Variants in MTMR8 observed in about 807,000 individuals in gnomAD.
MTMR8 encodes the protein myotubularin related protein 8.
MTMR8 carries 65 observed loss-of-function variants against 39.3 expected under a neutral mutation model. The ratio of observed to expected loss-of-function variants is 1.65; its 90% CI spans 1.35 to 2.03. The LOEUF is 2.03. Among genes scored for constraint, MTMR8 ranks in the 30% most tolerant of loss-of-function variants. MTMR8 has a pLI of 0.00. For missense variants in MTMR8, 777 were observed against 538.9 expected (o/e 1.44, Z -4.37); for synonymous variants, 245 against 185.2 (o/e 1.32, Z -2.62).
At chrX:64,356,079 T>C in intron 3 of MTMR8, 97 bp downstream of exon 3, 1 of 906,486 alleles carries the variant, frequency 1.1e-6, no homozygotes, top group Non-Finnish European at 1.5e-6. Context: ...ACAGCCCAGA[T>C]CCAAACCCTC....
chrX:64,291,432 T>C (rs1921393893), intron 12 of MTMR8, among the ~76,000 whole-genome samples: 1 of 111,048 alleles, frequency 9.0e-6, no homozygotes, highest in Admixed American at 9.7e-5. Flanking sequence ...TATTCCTCTT[T>C]CTTGAAGAGA....
At chrX:64,340,133 A>G (rs973263099) in intron 8 of MTMR8, among the ~76,000 whole-genome samples, 8 of 111,547 alleles carry the variant, frequency 7.2e-5, no homozygotes, top group African/African-American at 2.6e-4. Context: ...GAAGGATAAG[A>G]GACAAGGTGG....
rs780873891 is a variant in MTMR8 at position 64,313,583 on chromosome X, C to T, written c.1481+15189G>A. 1.2e-4 allele frequency among the ~76,000 whole-genome samples: 14 copies of T among 112,549 alleles called. No homozygotes were observed. In the South Asian group the frequency reaches 2.9e-3, roughly 24 times the overall value. The stretch of plus-strand genomic sequence containing the variant: ...GCTTTTGTCCTTTCTCAGCTTTTGA[C>T]GTGTCTTCCTTGCTAAGCTTAATGA... On this transcript the variant is annotated intron_variant, in intron 12 of 13. Transcript: ENST00000374852.
intron 12 of MTMR8, among the ~76,000 whole-genome samples, chrX:64,301,259 G>T (rs1326474266): frequency 9.3e-6 from 1 of 107,035 alleles, no homozygotes; most frequent in Admixed American, 1.0e-4. Context: ...CATATTTCTT[G>T]GAGGCTTTGC....
At chrX:64,352,742 A>G (rs1384341572) in intron 4 of MTMR8, among the ~76,000 whole-genome samples, 5 of 111,326 alleles carry the variant, frequency 4.5e-5, no homozygotes, top group Admixed American at 3.8e-4. Flanking sequence ...TACCACCTAA[A>G]TATCTTTTAA....
chrX:64,282,262 T>A (rs898054456), intron 12 of MTMR8, among the ~76,000 whole-genome samples: 1 of 111,055 alleles, frequency 9.0e-6, no homozygotes, highest in Non-Finnish European at 1.9e-5. Context: ...TATAAAGATA[T>A]AAGCACACAT....
chrX:64,301,604 G>T lies in MTMR8; in HGVS notation c.1481+27168C>A, dbSNP rs758721249. Reference sequence around the variant, plus strand: ...TCAAAGTCATTCTCCATCCAGCTTTGTTCCATTGCTGGTGAGGAACTGCGT... The same window carrying T: ...TCAAAGTCATTCTCCATCCAGCTTTTTTCCATTGCTGGTGAGGAACTGCGT... On this transcript the variant is annotated intron_variant, in intron 12 of 13. Transcript: ENST00000374852. Among the ~76,000 whole-genome samples the T allele has an allele frequency of 3.8e-3, 421 of 112,163 alleles. 3 individuals are homozygous for T. Among genetic ancestry groups the T allele is most frequent in the African/African-American group, 0.013 (396 of 30,824 alleles).
Position 64,301,019 on chromosome X carries a change from T to G in MTMR8, c.1481+27753A>C, listed in dbSNP as rs1482427709. Among the ~76,000 whole-genome samples the G allele has an allele frequency of 5.7e-5, 6 of 105,315 alleles. 1 individual carries two copies. In the Admixed American group the frequency reaches 6.2e-4, roughly 11 times the overall value. The allele number at this position is 105,315 out of a possible 115,157, so 91.5% of individuals were successfully genotyped here. On this transcript the variant is annotated intron_variant, in intron 12 of 13. Coordinates refer to ENST00000374852, the MANE Select transcript of MTMR8 (RefSeq NM_017677.4). Reference sequence around the variant, plus strand: ...CTGGCTGCCCTTAACATTTTTTCCTTCATTTCAACTTTGGTGAATCTGACA... The same window carrying G: ...CTGGCTGCCCTTAACATTTTTTCCTGCATTTCAACTTTGGTGAATCTGACA...
At chrX:64,285,651 A>G (rs1921139435) in intron 12 of MTMR8, among the ~76,000 whole-genome samples, 1 of 112,264 alleles carries the variant, frequency 8.9e-6, no homozygotes, top group Non-Finnish European at 1.9e-5. Flanking sequence ...CAATCAAACT[A>G]GAACTCAGGA....
chrX:64,392,033 C>T (rs999886504), intron 1 of MTMR8, among the ~76,000 whole-genome samples: 3 of 111,702 alleles, frequency 2.7e-5, no homozygotes, highest in Non-Finnish European at 3.8e-5. Flanking sequence ...GGGAAAAATA[C>T]ATAGAACAAA....
At chrX:64,300,592 G>C (rs1205893599) in intron 12 of MTMR8, among the ~76,000 whole-genome samples, 2 of 102,519 alleles carry the variant, frequency 2.0e-5, no homozygotes, top group East Asian at 6.2e-4. Flanking sequence ...AGTTAATATT[G>C]TTATGTGTGA....
intron 1 of MTMR8, among the ~76,000 whole-genome samples, chrX:64,391,795 G>T (rs951315482): frequency 1.8e-5 from 2 of 112,174 alleles, no homozygotes; most frequent in Non-Finnish European, 3.8e-5. Context: ...TGAGGCAAAA[G>T]AGATTATATA....
At chrX:64,328,655 G>T in intron 12 of MTMR8, 117 bp downstream of exon 12, 1 of 698,619 alleles carries the variant, frequency 1.4e-6, no homozygotes, top group Non-Finnish European at 1.9e-6. Context: ...TATGAGGACA[G>T]AGTATCCTAC....
intron 11 of MTMR8, among the ~76,000 whole-genome samples, chrX:64,331,012 T>C (rs923784024): frequency 9.0e-6 from 1 of 111,669 alleles, no homozygotes; most frequent in Non-Finnish European, 1.9e-5. Context: ...TTGGGTTCAG[T>C]GTATACTGCT....
At chrX:64,296,060 T>C (rs1459364011) in intron 12 of MTMR8, among the ~76,000 whole-genome samples, 1 of 112,129 alleles carries the variant, frequency 8.9e-6, no homozygotes, top group Non-Finnish European at 1.9e-5. Context: ...GCAACCCAGA[T>C]GTCCATCAAT....
chrX:64,366,160 G>T (rs1395105344), intron 1 of MTMR8, among the ~76,000 whole-genome samples: 1 of 111,452 alleles, frequency 9.0e-6, no homozygotes, highest in African/African-American at 3.3e-5. Flanking sequence ...AATGATGGGA[G>T]ACTTTAACAC....
At chrX:64,335,013 G>A (rs1412942855) in intron 10 of MTMR8, among the ~76,000 whole-genome samples, 1 of 111,918 alleles carries the variant, frequency 8.9e-6, no homozygotes, top group Non-Finnish European at 1.9e-5. Context: ...GTTTGTGGGT[G>A]AAGGAAGAAT....
intron 5 of MTMR8, among the ~76,000 whole-genome samples, chrX:64,349,269 T>C (rs1198543796): frequency 9.0e-6 from 1 of 111,610 alleles, no homozygotes; most frequent in Non-Finnish European, 1.9e-5. Flanking sequence ...CAAGCCACTT[T>C]AACACAAAAA....
chrX:64,289,851 G>A (rs1255719109), intron 12 of MTMR8, among the ~76,000 whole-genome samples: 2 of 110,463 alleles, frequency 1.8e-5, no homozygotes, highest in African/African-American at 6.6e-5. Flanking sequence ...GCTACAATAT[G>A]GATGACTTTT....
Sources: gnomAD v4.1 joint callset for allele counts (sites outside exome capture counted in the v4.1 genomes callset) on GRCh38, gnomAD v4.1.1 for gene constraint, MANE v1.5 for transcripts, NCBI Gene and HGNC (gene_info 2026-07-23, HGNC 2026-07-21) for gene names.